Variants in ADAMTS19 observed in about 807,000 individuals in gnomAD.
The protein encoded by ADAMTS19 is A disintegrin and metalloproteinase with thrombospondin motifs 19.
In ADAMTS19, 93 loss-of-function variants were observed where a neutral mutation model predicts 153.3. The ratio of observed to expected loss-of-function variants is 0.61; its 90% confidence interval spans 0.51 to 0.72. The LOEUF is 0.72. ADAMTS19 is among the 30% of genes least tolerant of loss of function. The pLI is 0.00. For synonymous variants in ADAMTS19, 600 were observed against 556.6 expected (o/e 1.08, Z -1.10); for missense variants, 1,482 against 1,552.1 (o/e 0.95, Z 0.76).
In ADAMTS19 at chr5:129,473,132, C is replaced by G. The variant is rs370522668; in HGVS notation, c.747+11375C>G. Among the ~76,000 whole-genome samples, 51 of 151,778 alleles carry G rather than the reference C, an allele frequency of 3.4e-4. No homozygotes were observed. In the East Asian group the frequency reaches 9.1e-3, roughly 27 times the overall value. On this transcript the variant is annotated intron_variant, in intron 2 of 22. Transcript: ENST00000274487. The stretch of plus-strand genomic sequence containing the variant: ...AAAATAAAAAAGCAGGTCTTTTCTA[C>G]TCATTCACATTCCAGGTATTTGGAT...
chr5:129,469,242 T>C (rs1295625714), intron 2 of ADAMTS19, among the ~76,000 whole-genome samples: 1 of 152,160 alleles, frequency 6.6e-6, no homozygotes, highest in East Asian at 1.9e-4. Flanking sequence ...CATCCAGAGA[T>C]AGACAACTAA....
intron 6 of ADAMTS19, among the ~76,000 whole-genome samples, chr5:129,547,272 C>G (rs1227785570): frequency 6.7e-6 from 1 of 149,898 alleles, no homozygotes; most frequent in Non-Finnish European, 1.5e-5. Context: ...TGGGTAGCCT[C>G]TGGAAGCTAG....
At chr5:129,684,410 GAT>G in intron 18 of ADAMTS19, 137 bp downstream of exon 18, 1 of 1,146,596 alleles carries the variant, frequency 8.7e-7, no homozygotes, top group Non-Finnish European at 1.2e-6. Context: ...AGTTTTATAT[GAT>G]ATGTTTAGTG....
chr5:129,559,232 G>A (rs1753416686), intron 7 of ADAMTS19, among the ~76,000 whole-genome samples: 1 of 151,940 alleles, frequency 6.6e-6, no homozygotes, highest in Non-Finnish European at 1.5e-5. Context: ...TATATTAATA[G>A]TATTTCCAAT....
At chr5:129,572,039 T>A (rs959826236) in intron 7 of ADAMTS19, among the ~76,000 whole-genome samples, 2 of 151,816 alleles carry the variant, frequency 1.3e-5, no homozygotes, top group Admixed American at 6.6e-5. Flanking sequence ...AAAAACTTAG[T>A]AGAAAACATA....
chr5:129,596,652 A>G lies in ADAMTS19; in HGVS notation c.1466A>G (p.Glu489Gly). The change falls in exon 8 of 23, where the codon GAA (glutamate) becomes GGA (glycine). Residue 489 changes from glutamate (E) to glycine (G), a missense_variant. Glu to Gly is a moderately conservative substitution (Grantham distance 98). Around this residue, in one of 2 missense-constraint regions of ADAMTS19, gnomAD observed 866 missense variants for 827.7 expected, o/e 1.05. Transcript: ENST00000274487. ...AATCTTGCTTTTACAATTGCTCATG[A>G]AATGGGTCACAAGTAAGTAAAAATC... ...GLNLAFTIAH[E>G]MGHNMGINHD... 1 of 1,604,712 alleles carries G rather than the reference A, an allele frequency of 6.2e-7. No individual in the cohort carries two copies. The highest frequency in any genetic ancestry group is 8.5e-7 in the Non-Finnish European group (1 of 1,175,406).
At chr5:129,471,391 A>G (rs1054113771) in intron 2 of ADAMTS19, among the ~76,000 whole-genome samples, 11 of 150,796 alleles carry the variant, frequency 7.3e-5, no homozygotes, top group Non-Finnish European at 1.5e-5. Flanking sequence ...AGACAGAGAA[A>G]GAGAGGGATA....
chr5:129,721,565 T>G (rs1757005739), intron 21 of ADAMTS19, among the ~76,000 whole-genome samples: 1 of 152,158 alleles, frequency 6.6e-6, no homozygotes, highest in Non-Finnish European at 1.5e-5. Flanking sequence ...AGTTCACCTA[T>G]TTTTCAGTGT....
intron 7 of ADAMTS19, among the ~76,000 whole-genome samples, chr5:129,561,460 C>A (rs553606785): frequency 2.0e-5 from 3 of 150,060 alleles, no homozygotes; most frequent in South Asian, 2.1e-4. Flanking sequence ...ACCCGGGAAG[C>A]GGAGCTTGCA....
intron 8 of ADAMTS19, among the ~76,000 whole-genome samples, chr5:129,615,180 A>G (rs986218213): frequency 1.3e-5 from 2 of 152,040 alleles, no homozygotes; most frequent in Admixed American, 6.6e-5. Flanking sequence ...GAATTGGAAA[A>G]AACTACTTTA....
At chr5:129,522,332 C>CACACATATATATATATATAT (rs1309115957) in intron 3 of ADAMTS19, among the ~76,000 whole-genome samples, 3 of 58,620 alleles carry the variant, frequency 5.1e-5, no homozygotes, top group Non-Finnish European at 8.5e-5. Context: ...CACACACACA[C>CACACATATATATATATATAT]ATATATATAT....
chr5:129,599,272 C>T (rs1302692188), intron 8 of ADAMTS19, among the ~76,000 whole-genome samples: 12 of 151,772 alleles, frequency 7.9e-5, no homozygotes, highest in Admixed American at 7.9e-4. Context: ...TCATAGGCAT[C>T]ATTTGAAGGA....
intron 21 of ADAMTS19, among the ~76,000 whole-genome samples, chr5:129,712,380 C>T (rs1756523900): frequency 6.6e-6 from 1 of 152,140 alleles, no homozygotes. Flanking sequence ...TCTTTGAAAA[C>T]TGTTCACAAC....
At chr5:129,589,982 C>T (rs780823443) in intron 7 of ADAMTS19, among the ~76,000 whole-genome samples, 7 of 152,044 alleles carry the variant, frequency 4.6e-5, no homozygotes, top group African/African-American at 1.2e-4. Flanking sequence ...ACGGTAGCTT[C>T]GGGTTTTGAT....
chr5:129,509,711 A>G (rs1751375808), intron 3 of ADAMTS19, among the ~76,000 whole-genome samples: 1 of 151,966 alleles, frequency 6.6e-6, no homozygotes, highest in Non-Finnish European at 1.5e-5. Flanking sequence ...GCTGCAGAAT[A>G]GGAAGAAGAG....
chr5:129,590,328 C>A (rs1342923931), intron 7 of ADAMTS19, among the ~76,000 whole-genome samples: 1 of 151,968 alleles, frequency 6.6e-6, no homozygotes, highest in Admixed American at 6.6e-5. Context: ...GCTATACATT[C>A]AAAAAAATGT....
chr5:129,595,263 C>T (rs958585121), intron 7 of ADAMTS19, among the ~76,000 whole-genome samples: 2 of 152,008 alleles, frequency 1.3e-5, no homozygotes, highest in Non-Finnish European at 2.9e-5. Context: ...TTGCTTTTCC[C>T]TAGACCATGT....
chr5:129,648,639 A>G (rs887595236), intron 12 of ADAMTS19, among the ~76,000 whole-genome samples, 159 bp from the exon 13 acceptor site: 9 of 152,148 alleles, frequency 5.9e-5, no homozygotes, highest in African/African-American at 1.9e-4. Context: ...AAAGAAATAA[A>G]TATATGAATT....
intron 2 of ADAMTS19, among the ~76,000 whole-genome samples, chr5:129,504,860 TACAC>T (rs1424334829): frequency 1.0e-5 from 1 of 95,754 alleles, no homozygotes; most frequent in African/African-American, 4.5e-5. Flanking sequence ...GTATTCTGTC[TACAC>T]ACACACAGAC....
Sources: gnomAD v4.1 joint callset for allele counts (sites outside exome capture counted in the v4.1 genomes callset) on GRCh38, gnomAD v4.1.1 for gene constraint, gnomAD v4.1.1 regional missense constraint, MANE v1.5 for transcripts, NCBI Gene and HGNC (gene_info 2026-07-23, HGNC 2026-07-21) for gene names.